SP1: variants seen among roughly 807,000 people sequenced by gnomAD.
SP1 encodes the protein Sp1 transcription factor.
SP1 carries 6 observed loss-of-function variants against 66.3 expected under a neutral mutation model. The ratio of observed to expected loss-of-function variants is 0.09; its 90% CI spans 0.05 to 0.18. The LOEUF (loss-of-function observed/expected upper bound fraction) is 0.18. SP1 is among the 10% of genes least tolerant of loss of function. SP1 has a pLI of 1.00. For missense variants in SP1, 848 were observed against 964.5 expected (o/e 0.88, Z 1.60); for synonymous variants, 417 against 360.8 (o/e 1.16, Z -1.77).
intron 3 of SP1, among the ~76,000 whole-genome samples, chr12:53,395,771 TC>T (rs1938473800): frequency 6.8e-6 from 1 of 148,124 alleles, no homozygotes; most frequent in South Asian, 2.1e-4. Flanking sequence ...ATCGAGACCA[TC>T]CTGGCTAACA....
rs1938881778 is a variant in SP1, at chr12:53,411,407, C to G, written c.*167C>G. On this transcript the variant is annotated 3_prime_UTR_variant, in exon 6 of 6. Coordinates refer to ENST00000327443, the MANE Select transcript of SP1 (RefSeq NM_138473.3). ...AAGAGAGGAGATGGGGTCCCGGCACCCATCTGTATCATCAGTGCCTCTTTG... is the reference window on the plus strand; with the variant it reads ...AAGAGAGGAGATGGGGTCCCGGCACGCATCTGTATCATCAGTGCCTCTTTG... 5.3e-6 allele frequency: 3 copies of G among 569,544 alleles called. No individual in the cohort carries two copies. The highest frequency in any genetic ancestry group is 1.9e-5 in the African/African-American group (1 of 53,192). 35.3% of individuals were successfully genotyped at this position (569,544 alleles called of 1,614,324 possible). A position where few individuals can be genotyped will look rare whatever the true frequency, so the allele number is the denominator to read the frequency against.
rs764906905 is a variant in SP1, at chr12:53,411,127, G to T, written c.2245G>T (p.Val749Leu). 1 of 1,614,192 alleles carries T rather than the reference G, an allele frequency of 6.2e-7. No homozygotes were observed. Among genetic ancestry groups the T allele is most frequent in the South Asian group, 1.1e-5 (1 of 91,086 alleles). Residue 749 changes from valine to leucine, a missense_variant, in exon 6 of 6, where the codon GTA becomes TTA. Around this residue, in one of 7 missense-constraint regions of SP1, gnomAD observed 73 missense variants for 91.9 expected, o/e 0.79. Transcript: ENST00000327443. The stretch of plus-strand genomic sequence containing the variant: ...TTCAGCCCTTATTACCACCAATATG[G>T]TAGCCATGGAGGCCATCTGTCCAGA... The part of the protein sequence containing the change: ...TPSALITTNM[V>L]AMEAICPEGI...
intron 3 of SP1, among the ~76,000 whole-genome samples, chr12:53,395,791 C>A (rs373535855): frequency 4.0e-5 from 6 of 150,144 alleles, no homozygotes; most frequent in African/African-American, 1.5e-4. Context: ...CATGGTGAAA[C>A]CCTGTCACTA....
In SP1 at chr12:53,413,816, A is replaced by G. The variant is rs1267081799; in HGVS notation, c.*2576A>G. 6.6e-6 allele frequency: 1 copy of G among 152,276 alleles called. No homozygotes were observed. The highest frequency in any genetic ancestry group is 1.9e-4 in the East Asian group (1 of 5,208). 9.4% of individuals were successfully genotyped at this position (152,276 alleles called of 1,614,324 possible). A position where few individuals can be genotyped will look rare whatever the true frequency, so the allele number is the denominator to read the frequency against. The stretch of plus-strand genomic sequence containing the variant: ...AAAATAATGTAATGATGCTGAGGAT[A>G]TAAGCTTTTAGAAGGTAATTTGATG... On this transcript the variant is annotated 3_prime_UTR_variant, in exon 6 of 6. Transcript: ENST00000327443.
At chr12:53,403,097 A>G (rs1477714623) in intron 3 of SP1, among the ~76,000 whole-genome samples, 2 of 152,080 alleles carry the variant, frequency 1.3e-5, no homozygotes, top group Admixed American at 6.6e-5. Context: ...GCAGTGGACC[A>G]AGATTCTACT....
intron 3 of SP1, among the ~76,000 whole-genome samples, chr12:53,389,003 C>T (rs1592559161): frequency 2.0e-5 from 3 of 148,358 alleles, no homozygotes; most frequent in Admixed American, 6.8e-5. Context: ...CTAATTTTAC[C>T]CCCTTCTCTG....
intron 3 of SP1, among the ~76,000 whole-genome samples, chr12:53,402,220 CTTTT>C (rs35020021): frequency 7.6e-6 from 1 of 131,516 alleles, no homozygotes; most frequent in Non-Finnish European, 1.6e-5. Context: ...TAGGCTGCAC[CTTTT>C]TTTTTTTTTT....
At chr12:53,396,117 T>C (rs1938483389) in intron 3 of SP1, among the ~76,000 whole-genome samples, 1 of 140,474 alleles carries the variant, frequency 7.1e-6, no homozygotes, top group Non-Finnish European at 1.6e-5. Context: ...GAGACTCTTG[T>C]CTCAAAAAAA....
intron 3 of SP1, among the ~76,000 whole-genome samples, chr12:53,388,389 C>T (rs1316279485): frequency 3.3e-5 from 5 of 152,072 alleles, no homozygotes; most frequent in Admixed American, 2.0e-4. Context: ...CTAGGGCTAC[C>T]TAGTTGTTAC....
At chr12:53,386,940 GTT>G (rs34093285) in intron 3 of SP1, among the ~76,000 whole-genome samples, 3 of 123,372 alleles carry the variant, frequency 2.4e-5, no homozygotes, top group African/African-American at 5.8e-5. Flanking sequence ...TTCTAGGTTT[GTT>G]TTTTTTTTTT....
chr12:53,388,138 C>T (rs1938270555), intron 3 of SP1, among the ~76,000 whole-genome samples: 1 of 152,162 alleles, frequency 6.6e-6, no homozygotes, highest in Admixed American at 6.5e-5. Flanking sequence ...CTGACCTCTA[C>T]AACGTAGAAA....
At chr12:53,380,587 C>T (rs1386627799) in intron 1 of SP1, 12 of 990,982 alleles carry the variant, frequency 1.2e-5, no homozygotes, top group Non-Finnish European at 1.5e-5. Context: ...TACTCGGCCG[C>T]CCGCCTGAGG....
rs1023912852 is a variant in SP1, at chr12:53,415,738, T to G, written c.*4498T>G. On this transcript the variant is annotated 3_prime_UTR_variant, in exon 6 of 6. Transcript: ENST00000327443. ...CTGCTGGGATGTGTGCTTTCCCATATCTTGCCTTCAGGAATTACACTGTGC... is the reference window on the plus strand; with the variant it reads ...CTGCTGGGATGTGTGCTTTCCCATAGCTTGCCTTCAGGAATTACACTGTGC... 1 of 152,392 alleles carries G rather than the reference T, an allele frequency of 6.6e-6. No individual in the cohort carries two copies. Among genetic ancestry groups the G allele is most frequent in the African/African-American group, 2.4e-5 (1 of 41,350 alleles). The allele number at this position is 152,392 out of a possible 1,614,324, so 9.4% of individuals were successfully genotyped here. A position where few individuals can be genotyped will look rare whatever the true frequency, so the allele number is the denominator to read the frequency against.
chr12:53,391,699 C>T (rs978455106), intron 3 of SP1, among the ~76,000 whole-genome samples: 6 of 151,224 alleles, frequency 4.0e-5, no homozygotes, highest in African/African-American at 1.2e-4. Flanking sequence ...TCTTGTTACC[C>T]GGGTCCGGTC....
Position 53,382,602 on chromosome 12 carries a change from G to A in SP1, c.655G>A (p.Gly219Arg), listed in dbSNP as rs1938130809. Reference protein sequence around the residue: ...GANQQIITNRGSGGNIIAAMP... With the variant: ...GANQQIITNRRSGGNIIAAMP... ...AAACCAACAGATTATCACAAATCGA[G>A]GAAGTGGAGGCAACATCATTGCTGC... Residue 219 changes from glycine (G) to arginine (R), a missense_variant, in exon 3 of 6, where the codon GGA (glycine) becomes AGA (arginine). Around this residue, in one of 7 missense-constraint regions of SP1, gnomAD observed 606 missense variants for 589.9 expected, o/e 1.03. Transcript: ENST00000327443. 1.2e-6 allele frequency: 2 copies of A among 1,614,034 alleles called. No homozygotes were observed. Among genetic ancestry groups the A allele is most frequent in the Admixed American group, 1.7e-5 (1 of 59,996 alleles).
In SP1 at chr12:53,391,318, CTG is replaced by C. The variant is rs535696300; in HGVS notation, c.1675+7697_1675+7698del. Among the ~76,000 whole-genome samples the C allele has an allele frequency of 7.4e-4, 107 of 145,010 alleles. No homozygotes were observed. In the Middle Eastern group the frequency reaches 0.011, roughly 15 times the overall value. On this transcript the variant is annotated intron_variant, in intron 3 of 5. Coordinates refer to ENST00000327443, the MANE Select transcript of SP1 (RefSeq NM_138473.3). Reference sequence around the variant, plus strand: ...TTTAAGAATTATTTCCCTTAGAAGACTGAGAACTTTTTTTTTTTAAGTAATGT... The same window carrying C: ...TTTAAGAATTATTTCCCTTAGAAGACAGAACTTTTTTTTTTTAAGTAATGT...
intron 3 of SP1, among the ~76,000 whole-genome samples, chr12:53,396,000 G>A (rs769239442): frequency 1.3e-5 from 2 of 152,044 alleles, no homozygotes; most frequent in East Asian, 3.8e-4. Flanking sequence ...CACGCCTGTA[G>A]TCCCAGCTAC....
Position 53,382,593 on chromosome 12 carries a change from A to T in SP1, c.646A>T (p.Thr216Ser), listed in dbSNP as rs1230544195. Residue 216 changes from threonine (T) to serine (S), a missense_variant, in exon 3 of 6, where the codon ACA (threonine) becomes TCA (serine). By Grantham distance (58) the Thr-to-Ser change is moderately conservative. Around this residue, in one of 7 missense-constraint regions of SP1, gnomAD observed 606 missense variants for 589.9 expected, o/e 1.03. Transcript: ENST00000327443. Reference sequence around the variant, plus strand: ...ACCAGGTGCAAACCAACAGATTATCACAAATCGAGGAAGTGGAGGCAACAT... The same window carrying T: ...ACCAGGTGCAAACCAACAGATTATCTCAAATCGAGGAAGTGGAGGCAACAT... Reference protein sequence around the residue: ...IIPGANQQIITNRGSGGNIIA... With the variant: ...IIPGANQQIISNRGSGGNIIA... The T allele has an allele frequency of 1.2e-6, 2 of 1,614,164 alleles. No homozygotes were observed. The highest frequency in any genetic ancestry group is 3.3e-5 in the Admixed American group (2 of 60,024).
intron 4 of SP1, 28 bp downstream of exon 4, chr12:53,406,781 A>C (rs1381557186): frequency 6.4e-7 from 1 of 1,571,684 alleles, no homozygotes; most frequent in Non-Finnish European, 8.6e-7. Context: ...GTTTCTTACA[A>C]ATATAAAGAA....
Sources: allele counts gnomAD v4.1 joint callset (sites outside exome capture counted in the v4.1 genomes callset), GRCh38; gene constraint gnomAD v4.1.1; regional missense constraint gnomAD v4.1.1; transcripts MANE v1.5; gene names NCBI Gene and HGNC (gene_info 2026-07-23, HGNC 2026-07-21).